The following VWA2 variants were observed in gnomAD, a reference collection of about 807,000 sequenced individuals.
VWA2 encodes von Willebrand factor A domain containing 2, also known as von Willebrand factor A domain-containing protein 2.
A neutral mutation model predicts 70.4 loss-of-function variants in VWA2; 73 were observed. The ratio of observed to expected loss-of-function variants is 1.04; its 90% CI spans 0.86 to 1.26. The LOEUF (loss-of-function observed/expected upper bound fraction) is 1.26, where lower values mean the gene tolerates loss of function less well. VWA2 is among the 50% of genes most tolerant of loss of function. VWA2 has a pLI of 0.00. For missense variants in VWA2, 1,011 were observed against 998.5 expected (o/e 1.01, Z -0.17); for synonymous variants, 407 against 423.3 (o/e 0.96, Z 0.47).
intron 12 of VWA2, chr10:114,290,020 G>T: frequency 2.3e-5 from 10 of 429,720 alleles, no homozygotes; most frequent in Admixed American, 3.9e-5. Flanking sequence ...AGTCTGCCAT[G>T]TGTATGGCAC....
rs1266704524 is a variant in VWA2 at position 114,289,088 on chromosome 10, T to C, written c.1721T>C (p.Val574Ala). Residue 574 changes from valine (V) to alanine (A), a missense_variant, in exon 12 of 14, where the codon GTG (valine) becomes GCG (alanine). Val to Ala is a moderately conservative substitution (Grantham distance 64, BLOSUM62 0). Transcript: ENST00000392982. ...NPDVTQVGLV[V>A]YGSQVQTAFG... ...GACGTGACACAGGTCGGCCTGGTGG[T>C]GTATGGCAGCCAGGTGCAGACTGCC... 2 of 1,614,094 alleles carry C rather than the reference T, an allele frequency of 1.2e-6. No homozygotes were observed. Among genetic ancestry groups the C allele is most frequent in the Non-Finnish European group, 1.7e-6 (2 of 1,180,016 alleles).
At chr10:114,247,131 T>C (rs546176695) in intron 1 of VWA2, among the ~76,000 whole-genome samples, 2 of 152,152 alleles carry the variant, frequency 1.3e-5, no homozygotes, top group East Asian at 1.9e-4. Flanking sequence ...GTGTCACTTA[T>C]TGGGTTGGCC....
intron 1 of VWA2, chr10:114,246,232 G>A: frequency 1.1e-6 from 1 of 922,102 alleles, no homozygotes; most frequent in Non-Finnish European, 1.7e-6. Context: ...TGGGCATGGT[G>A]GCTCACGCCT....
At chr10:114,290,701 CAGTT>C (rs2039502279) in intron 13 of VWA2, among the ~76,000 whole-genome samples, 1 of 148,792 alleles carries the variant, frequency 6.7e-6, no homozygotes, top group African/African-American at 2.5e-5. Flanking sequence ...AGGGAGGCCA[CAGTT>C]AGGAGCACAG....
chr10:114,241,835 G>C (rs1199252556), intron 1 of VWA2, among the ~76,000 whole-genome samples: 2 of 152,084 alleles, frequency 1.3e-5, no homozygotes, highest in Admixed American at 6.5e-5. Context: ...TTAATTGGGA[G>C]GCCTGCAATA....
chr10:114,245,452 C>T (rs970404558), intron 1 of VWA2, among the ~76,000 whole-genome samples: 2 of 152,140 alleles, frequency 1.3e-5, no homozygotes, highest in Admixed American at 6.5e-5. Flanking sequence ...TGCCAGTGCC[C>T]AGGGTCAGAA....
rs868694255 is a variant in VWA2, at chr10:114,246,888, C to A, written c.-10-1816C>A. ...CCTGAACCTCCCTATTCAGAAAGCT[C>A]CACATCAATAAACATGACACTCTGA... On this transcript the variant is annotated intron_variant, in intron 1 of 13. Coordinates refer to ENST00000392982, the MANE Select transcript of VWA2 (RefSeq NM_001272046.2). Among the ~76,000 whole-genome samples, 6 of 152,176 alleles carry A rather than the reference C, an allele frequency of 3.9e-5. No individual in the cohort carries two copies. The South Asian group carries it at 1.2e-3, about 32-fold the overall frequency.
At chr10:114,250,930 C>G (rs1040493199) in intron 2 of VWA2, among the ~76,000 whole-genome samples, 1 of 152,212 alleles carries the variant, frequency 6.6e-6, no homozygotes, top group Non-Finnish European at 1.5e-5. Context: ...TTGGGTTATA[C>G]AGATGAGGCA....
intron 1 of VWA2, chr10:114,246,729 G>T: frequency 6.6e-7 from 1 of 1,523,712 alleles, no homozygotes; most frequent in Non-Finnish European, 9.1e-7. Context: ...AATCGTGCAG[G>T]GGGAGAAATC....
intron 2 of VWA2, among the ~76,000 whole-genome samples, chr10:114,253,045 C>G (rs72823068): frequency 6.6e-6 from 1 of 151,302 alleles, no homozygotes; most frequent in Non-Finnish European, 1.5e-5. Context: ...AGACACCTAC[C>G]AGGTGCAGTT....
chr10:114,260,725 C>A (rs2037427261), intron 4 of VWA2, among the ~76,000 whole-genome samples: 1 of 152,178 alleles, frequency 6.6e-6, no homozygotes, highest in Non-Finnish European at 1.5e-5. Context: ...AAGCATTTGC[C>A]TTGGGCCAGA....
chr10:114,292,101 A>T lies in VWA2; in HGVS notation c.*864A>T, dbSNP rs1215608326. 6.6e-6 allele frequency among the ~76,000 whole-genome samples: 1 copy of T among 152,100 alleles called. No homozygotes were observed. The highest frequency in any genetic ancestry group is 2.4e-5 in the African/African-American group (1 of 41,410). On this transcript the variant is annotated 3_prime_UTR_variant, in exon 14 of 14. Coordinates refer to ENST00000392982, the MANE Select transcript of VWA2 (RefSeq NM_001272046.2). The stretch of plus-strand genomic sequence containing the variant: ...AGACCAGCCTGGCCAACGTGGTGAA[A>T]GTTTGTCTTTACTAAAAATACAAAA...
intron 1 of VWA2, among the ~76,000 whole-genome samples, chr10:114,241,345 C>T (rs1292357700): frequency 2.6e-5 from 4 of 152,124 alleles, no homozygotes; most frequent in South Asian, 2.1e-4. Context: ...GTTTCACTAC[C>T]GTAAAAATCT....
At chr10:114,272,974 C>T in intron 6 of VWA2, 40 bp downstream of exon 6, 1 of 1,561,530 alleles carries the variant, frequency 6.4e-7, no homozygotes, top group Non-Finnish European at 8.7e-7. Flanking sequence ...CTCAGGTGGT[C>T]AGCCTGGGGA....
At chr10:114,272,186 C>T (rs1315358606) in intron 5 of VWA2, among the ~76,000 whole-genome samples, 1 of 152,234 alleles carries the variant, frequency 6.6e-6, no homozygotes, top group Non-Finnish European at 1.5e-5. Context: ...CCCCTGTAAC[C>T]TGCCCTGATC....
At chr10:114,243,392 A>C (rs1211922097) in intron 1 of VWA2, among the ~76,000 whole-genome samples, 3 of 152,130 alleles carry the variant, frequency 2.0e-5, no homozygotes, top group Non-Finnish European at 4.4e-5. Context: ...TCAAACTAGA[A>C]ATGTGTCATC....
At chr10:114,278,180 C>T in intron 7 of VWA2, 133 bp downstream of exon 7, 1 of 1,288,452 alleles carries the variant, frequency 7.8e-7, no homozygotes, top group Non-Finnish European at 1.0e-6. Flanking sequence ...CGGCAGCCTC[C>T]ACCCTGGATG....
chr10:114,288,899 G>A (rs1023037279), intron 11 of VWA2, 39 bp from the exon 12 acceptor site: 1 of 1,567,278 alleles, frequency 6.4e-7, no homozygotes, highest in Non-Finnish European at 8.7e-7. Flanking sequence ...GCTCTGACTG[G>A]CACATCCACT....
intron 8 of VWA2, among the ~76,000 whole-genome samples, chr10:114,279,950 C>T (rs975878215): frequency 6.6e-6 from 1 of 152,176 alleles, no homozygotes; most frequent in Non-Finnish European, 1.5e-5. Flanking sequence ...CGCTCAGAGC[C>T]GGGAGCGGCT....
Sources: gnomAD v4.1 joint callset for allele counts (sites outside exome capture counted in the v4.1 genomes callset) on GRCh38, gnomAD v4.1.1 for gene constraint, MANE v1.5 for transcripts, NCBI Gene and HGNC (gene_info 2026-07-23, HGNC 2026-07-21) for gene names.